DPYSL2: variants seen among roughly 807,000 people sequenced by gnomAD.
The protein encoded by DPYSL2 is dihydropyrimidinase like 2, also known as dihydropyrimidinase-related protein 2.
Under a neutral mutation model 69.9 loss-of-function variants are expected in DPYSL2, and 13 were observed. The ratio of observed to expected loss-of-function variants is 0.19; its 90% CI spans 0.12 to 0.30. The LOEUF (loss-of-function observed/expected upper bound fraction) is 0.30. Among genes scored for constraint, DPYSL2 ranks in the 10% least tolerant of loss-of-function variants. The pLI is 1.00. For synonymous variants in DPYSL2, 326 were observed against 359.1 expected (o/e 0.91, Z 1.04); for missense variants, 587 against 918.9 (o/e 0.64, Z 4.67).
chr8:26,515,308 C>A (rs1232172298), intron 1 of DPYSL2, among the ~76,000 whole-genome samples: 1 of 152,178 alleles, frequency 6.6e-6, no homozygotes, highest in Non-Finnish European at 1.5e-5. Context: ...CCGAGGAAAC[C>A]GAGACGCTCC....
At chr8:26,538,137 G>A (rs141574386) in intron 1 of DPYSL2, among the ~76,000 whole-genome samples, 30 of 152,304 alleles carry the variant, frequency 2.0e-4, no homozygotes, top group Admixed American at 7.8e-4. Context: ...CTGGTCACTT[G>A]ATAAAGGAGG....
chr8:26,600,161 G>A (rs549651345), intron 3 of DPYSL2, among the ~76,000 whole-genome samples: 64 of 152,240 alleles, frequency 4.2e-4, no homozygotes, highest in African/African-American at 1.5e-3. Context: ...CCCATTCATC[G>A]ATGGATGGCA....
intron 1 of DPYSL2, among the ~76,000 whole-genome samples, chr8:26,528,376 C>T (rs367555284): frequency 1.3e-5 from 2 of 152,254 alleles, no homozygotes; most frequent in African/African-American, 4.8e-5. Flanking sequence ...GGGCCGGGCG[C>T]GGTGGCTCAT....
At chr8:26,584,613 C>CTTTT (rs35587383) in intron 3 of DPYSL2, among the ~76,000 whole-genome samples, 128 of 100,134 alleles carry the variant, frequency 1.3e-3, no homozygotes, top group African/African-American at 2.4e-3. Context: ...GGGCTTTGTG[C>CTTTT]TTTTTTTTTT....
chr8:26,517,950 C>G lies in DPYSL2; in HGVS notation c.354+3271C>G, dbSNP rs545665027. 6.6e-6 allele frequency among the ~76,000 whole-genome samples: 1 copy of G among 152,342 alleles called. No homozygotes were observed. The highest frequency in any genetic ancestry group is 2.4e-5 in the African/African-American group (1 of 41,580). ...CTGCCCTCTAACTGTACAACGTCAT[C>G]CCTACTCCATCCCCATAGCATGCCC... On this transcript the variant is annotated intron_variant, in intron 1 of 13. Coordinates refer to ENST00000521913, the MANE Select transcript of DPYSL2 (RefSeq NM_001197293.3). The surrounding 1 kb of genome is among the most constrained non-coding windows in gnomAD (Gnocchi z 4.2).
intron 1 of DPYSL2, among the ~76,000 whole-genome samples, chr8:26,563,558 G>C (rs1206381815): frequency 6.6e-6 from 1 of 152,288 alleles, no homozygotes; most frequent in Middle Eastern, 3.4e-3. Context: ...CAGAGGCAAA[G>C]TCAGATTTTT....
chr8:26,645,836 C>T (rs1396244716), intron 10 of DPYSL2, among the ~76,000 whole-genome samples: 3 of 151,782 alleles, frequency 2.0e-5, no homozygotes, highest in African/African-American at 7.3e-5. Context: ...AGATGTGAGC[C>T]ACCATGCCTG....
At chr8:26,612,080 C>G (rs1332447902) in intron 3 of DPYSL2, among the ~76,000 whole-genome samples, 1 of 152,244 alleles carries the variant, frequency 6.6e-6, no homozygotes, top group Non-Finnish European at 1.5e-5. Context: ...GATCTGATCT[C>G]TCATGTAGGA....
intron 3 of DPYSL2, among the ~76,000 whole-genome samples, chr8:26,601,752 G>C (rs1585537869): frequency 6.6e-6 from 1 of 152,352 alleles, no homozygotes; most frequent in East Asian, 1.9e-4. Flanking sequence ...TGAAACAGGA[G>C]AATTTTTACT....
At position 26,647,758 on chromosome 8, in the gene DPYSL2, C is replaced by T. The variant is rs781414873; in HGVS notation, c.1554C>T (p.Asp518=). 1.2e-6 allele frequency: 2 copies of T among 1,614,014 alleles called. No homozygotes were observed. The highest frequency in any genetic ancestry group is 1.7e-6 in the Non-Finnish European group (2 of 1,179,990). ...VGSDADLVIW[D]PDSVKTISAK... is the part of the protein sequence containing the mutation. ...CCGATGCCGACCTGGTCATCTGGGA[C>T]CCCGACAGCGTTAAAACCATCTCTG... is the stretch of plus-strand genomic sequence containing the variant. Residue 518 remains aspartate (D), a synonymous_variant, in exon 11 of 14, where the codon GAC becomes GAT. Transcript: ENST00000521913. This position sits in a 1 kb window ranked among gnomAD's most constrained non-coding sequence, Gnocchi z 5.1.
rs561458396 is a variant in DPYSL2 at position 26,594,587 on chromosome 8, C to T, written c.628+10604C>T. On this transcript the variant is annotated intron_variant, in intron 3 of 13. Coordinates refer to ENST00000521913, the MANE Select transcript of DPYSL2 (RefSeq NM_001197293.3). The stretch of plus-strand genomic sequence containing the variant: ...GGTCTATCATCTCTATTTAATCCAT[C>T]GTCTCTATATCTATTGATTATCACT... 2.2e-4 allele frequency among the ~76,000 whole-genome samples: 34 copies of T among 152,240 alleles called. No individual in the cohort carries two copies. In the South Asian group the frequency reaches 3.5e-3, roughly 16 times the overall value.
Position 26,640,722 on chromosome 8 carries a change from A to G in DPYSL2, c.1127-2717A>G, listed in dbSNP as rs1017118153. On this transcript the variant is annotated intron_variant, in intron 8 of 13. Transcript: ENST00000521913. The surrounding 1 kb of genome is among the most constrained non-coding windows in gnomAD (Gnocchi z 4.2). The stretch of plus-strand genomic sequence containing the variant: ...TCCAAAAGACAGCAAGGACCTCTGA[A>G]TCCCTGAGGGAAGTTGAACAGAGCA... 6.6e-6 allele frequency among the ~76,000 whole-genome samples: 1 copy of G among 152,176 alleles called. No individual in the cohort carries two copies. The highest frequency in any genetic ancestry group is 2.4e-5 in the African/African-American group (1 of 41,434).
At chr8:26,635,710 T>G (rs989752055) in intron 8 of DPYSL2, among the ~76,000 whole-genome samples, 1 of 152,168 alleles carries the variant, frequency 6.6e-6, no homozygotes, top group African/African-American at 2.4e-5. Context: ...CTCCCTTTTA[T>G]GTTCCCTCCT....
At chr8:26,628,411 A>C (rs1802667297) in intron 7 of DPYSL2, among the ~76,000 whole-genome samples, 1 of 152,210 alleles carries the variant, frequency 6.6e-6, no homozygotes, top group Admixed American at 6.5e-5. Context: ...TGGTAGACAG[A>C]ATCTTTTAAA....
chr8:26,588,670 G>A lies in DPYSL2; in HGVS notation c.628+4687G>A, dbSNP rs1474921571. On this transcript the variant is annotated intron_variant, in intron 3 of 13. Coordinates refer to ENST00000521913, the MANE Select transcript of DPYSL2 (RefSeq NM_001197293.3). This position sits in a 1 kb window ranked among gnomAD's most constrained non-coding sequence, Gnocchi z 5.4. The stretch of plus-strand genomic sequence containing the variant: ...GTGCTGCTGCCGCAGGGCTGGAAGG[G>A]GCCCTCCCTCCTGAGTACCAGCCTT... Among the ~76,000 whole-genome samples, 1 of 152,088 alleles carries A rather than the reference G, an allele frequency of 6.6e-6. No individual in the cohort carries two copies. Among genetic ancestry groups the A allele is most frequent in the African/African-American group, 2.4e-5 (1 of 41,400 alleles).
Position 26,591,145 on chromosome 8 carries a change from G to A in DPYSL2, c.628+7162G>A, listed in dbSNP as rs1412005230. Among the ~76,000 whole-genome samples, 1 of 152,170 alleles carries A rather than the reference G, an allele frequency of 6.6e-6. No homozygotes were observed. Among genetic ancestry groups the A allele is most frequent in the Non-Finnish European group, 1.5e-5 (1 of 68,038 alleles). ...CCCAGTTCCTACTCTGCCTATGGGT[G>A]TTTTACATGGAGAGTCACAGCACTG... On this transcript the variant is annotated intron_variant, in intron 3 of 13. Transcript: ENST00000521913. This position sits in a 1 kb window ranked among gnomAD's most constrained non-coding sequence, Gnocchi z 5.8.
At position 26,654,565 on chromosome 8, in the gene DPYSL2, G is replaced by A. The variant is rs984067560; in HGVS notation, c.1943-1050G>A. On this transcript the variant is annotated intron_variant, in intron 13 of 13. Transcript: ENST00000521913. This position sits in a 1 kb window ranked among gnomAD's most constrained non-coding sequence, Gnocchi z 5.0. ...GTGTATAATCATGTCTGTGTTTTCT[G>A]ATCTCTCAAAGCTGTTCCAATATAA... 6.6e-6 allele frequency among the ~76,000 whole-genome samples: 1 copy of A among 152,038 alleles called. No homozygotes were observed. The highest frequency in any genetic ancestry group is 1.5e-5 in the Non-Finnish European group (1 of 68,008).
chr8:26,643,642 G>A lies in DPYSL2; in HGVS notation c.1283+47G>A. ...ACACTTCACATTCTGTCTTTCTTCA[G>A]ACCAGACTGACCTGTTAGGCGAAAA... On this transcript the variant is annotated intron_variant, in intron 9 of 13. Coordinates refer to ENST00000521913, the MANE Select transcript of DPYSL2 (RefSeq NM_001197293.3). This position sits in a 1 kb window ranked among gnomAD's most constrained non-coding sequence, Gnocchi z 6.5. 6.2e-7 allele frequency: 1 copy of A among 1,613,290 alleles called. No homozygotes were observed. Among genetic ancestry groups the A allele is most frequent in the Non-Finnish European group, 8.5e-7 (1 of 1,179,454 alleles).
intron 3 of DPYSL2, among the ~76,000 whole-genome samples, chr8:26,611,725 C>A (rs1175106510): frequency 2.0e-5 from 3 of 152,214 alleles, no homozygotes; most frequent in African/African-American, 7.2e-5. Context: ...TCCTTGCCTT[C>A]CCCCCAGGCC....
Sources: allele counts gnomAD v4.1 joint callset (sites outside exome capture counted in the v4.1 genomes callset), GRCh38; gene constraint gnomAD v4.1.1; non-coding constraint Gnocchi (gnomAD v3.1); transcripts MANE v1.5; gene names NCBI Gene and HGNC (gene_info 2026-07-23, HGNC 2026-07-21).